The following RASA2 variants were observed in gnomAD, a reference collection of about 807,000 sequenced individuals.
RASA2 encodes ras GTPase-activating protein 2.
A neutral mutation model predicts 118.2 loss-of-function variants in RASA2; 155 were observed. The observed-to-expected ratio is 1.31, with a 90% CI of 1.15 to 1.50. RASA2 has a LOEUF of 1.50. RASA2 is among the 40% of genes most tolerant of loss of function. The pLI is 0.00. For missense variants in RASA2, 1,016 were observed against 1,009.6 expected (o/e 1.01, Z -0.09); for synonymous variants, 353 against 349.1 (o/e 1.01, Z -0.12).
chr3:141,555,778 G>A, intron 6 of RASA2, 62 bp from the exon 7 acceptor site: 1 of 1,392,158 alleles, frequency 7.2e-7, no homozygotes, highest in South Asian at 1.3e-5. Context: ...GTTGGAAATA[G>A]CATGTTTTAT....
chr3:141,540,661 T>G (rs1001824764), intron 5 of RASA2, 52 bp downstream of exon 5: 1 of 1,484,724 alleles, frequency 6.7e-7, no homozygotes, highest in Admixed American at 1.9e-5. Flanking sequence ...CCATTTTGTA[T>G]TCTTTCGATT....
chr3:141,568,441 T>G (rs1482903366), intron 9 of RASA2, among the ~76,000 whole-genome samples: 4 of 152,006 alleles, frequency 2.6e-5, no homozygotes, highest in Non-Finnish European at 4.4e-5. Context: ...AACAGGTTCC[T>G]AAGAGAAGCG....
At chr3:141,536,216 G>A (rs1447410584) in intron 4 of RASA2, among the ~76,000 whole-genome samples, 2 of 152,168 alleles carry the variant, frequency 1.3e-5, no homozygotes, top group Admixed American at 1.3e-4. Flanking sequence ...CATGGCAGGA[G>A]GTGAAAGGCA....
At chr3:141,556,522 A>G (rs190115293) in intron 7 of RASA2, among the ~76,000 whole-genome samples, 6 of 152,216 alleles carry the variant, frequency 3.9e-5, no homozygotes, top group Admixed American at 1.3e-4. Context: ...TTATCTTCAT[A>G]GACAGCTTCA....
intron 2 of RASA2, 47 bp from the exon 3 acceptor site, chr3:141,516,281 A>G (rs1362827771): frequency 5.0e-6 from 6 of 1,199,300 alleles, no homozygotes; most frequent in Non-Finnish European, 6.4e-6. Context: ...ATTAATTATT[A>G]TTTATTTTAT....
Position 141,612,490 on chromosome 3 carries a change from A to C in RASA2, c.*177A>C. ...TAATTGTTTGGGAATCCTGGTATTG[A>C]TGTATTACTAGAGAATTTAAAGCCC... On this transcript the variant is annotated 3_prime_UTR_variant, in exon 24 of 24. Coordinates refer to ENST00000286364, the MANE Select transcript of RASA2 (RefSeq NM_006506.5). 1.9e-6 allele frequency: 1 copy of C among 532,058 alleles called. No individual in the cohort carries two copies. The highest frequency in any genetic ancestry group is 3.3e-6 in the Non-Finnish European group (1 of 306,024). 33.0% of individuals were successfully genotyped at this position (532,058 alleles called of 1,614,324 possible).
intron 1 of RASA2, 98 bp downstream of exon 1, chr3:141,487,314 G>C (rs1268122929): frequency 4.2e-6 from 5 of 1,182,638 alleles, no homozygotes; most frequent in Non-Finnish European, 5.3e-6. Context: ...AGCTGCGCTG[G>C]GATCGCGGGC....
At chr3:141,510,235 A>G (rs2081930831) in intron 1 of RASA2, among the ~76,000 whole-genome samples, 1 of 152,172 alleles carries the variant, frequency 6.6e-6, no homozygotes. Context: ...GTAGCAGAGT[A>G]AGAGAGGAAT....
At chr3:141,607,832 A>T in intron 20 of RASA2, 72 bp downstream of exon 20, 4 of 1,410,026 alleles carry the variant, frequency 2.8e-6, no homozygotes, top group Non-Finnish European at 3.7e-6. Flanking sequence ...ATTTCGAGGT[A>T]TTTGTTAATA....
chr3:141,561,030 T>C (rs886161302), intron 9 of RASA2, among the ~76,000 whole-genome samples: 1 of 152,162 alleles, frequency 6.6e-6, no homozygotes, highest in Admixed American at 6.5e-5. Flanking sequence ...CTAAGATTTA[T>C]TGGTCTTTAT....
At chr3:141,571,107 C>A in intron 10 of RASA2, 39 bp downstream of exon 10, 1 of 1,534,992 alleles carries the variant, frequency 6.5e-7, no homozygotes, top group Non-Finnish European at 8.8e-7. Flanking sequence ...TAACACGAAA[C>A]GGCTAAAATA....
rs373838504 is a variant in RASA2, at chr3:141,516,390, A to G, written c.314A>G (p.Tyr105Cys). 9 of 1,561,952 alleles carry G rather than the reference A, an allele frequency of 5.8e-6. No homozygotes were observed. Among genetic ancestry groups the G allele is most frequent in the African/African-American group, 2.7e-5 (2 of 73,000 alleles). ...AGAACTTTCCAGTATTTGTCTTTCT[A>G]TGTTTATGATAAGAATGTTTTACAA... ...IPRTFQYLSF[Y>C]VYDKNVLQRD... The change falls in exon 3 of 24, where the codon TAT becomes TGT. Residue 105 changes from tyrosine to cysteine, a missense_variant. This residue lies in a region of RASA2 where 896 missense variants were observed against 836.4 expected (regional missense o/e 1.07). Transcript: ENST00000286364.
chr3:141,564,412 G>A (rs1371810663), intron 9 of RASA2, among the ~76,000 whole-genome samples: 2 of 152,162 alleles, frequency 1.3e-5, no homozygotes, highest in Admixed American at 6.5e-5. Context: ...AGTAATACAA[G>A]TAATGTTAAT....
At chr3:141,607,343 G>A (rs2083563710) in intron 19 of RASA2, among the ~76,000 whole-genome samples, 1 of 152,100 alleles carries the variant, frequency 6.6e-6, no homozygotes, top group East Asian at 1.9e-4. Flanking sequence ...GTTTTGAGTT[G>A]GCCTCTTTTG....
chr3:141,546,735 G>T (rs1428829562), intron 5 of RASA2, among the ~76,000 whole-genome samples: 5 of 152,068 alleles, frequency 3.3e-5, no homozygotes, highest in Non-Finnish European at 5.9e-5. Context: ...GCCTGTGCTT[G>T]TGTGCTTGTG....
chr3:141,540,967 A>G (rs912985531), intron 5 of RASA2, among the ~76,000 whole-genome samples: 6 of 152,126 alleles, frequency 3.9e-5, no homozygotes, highest in Non-Finnish European at 8.8e-5. Context: ...TGGAGCTAGA[A>G]CTAATGCCCA....
At chr3:141,573,310 A>G in intron 13 of RASA2, 89 bp downstream of exon 13, 1 of 1,334,790 alleles carries the variant, frequency 7.5e-7, no homozygotes, top group Non-Finnish European at 9.9e-7. Context: ...AAAGCCATAT[A>G]GAGGGAAGCA....
intron 1 of RASA2, among the ~76,000 whole-genome samples, chr3:141,499,314 T>C (rs983717805): frequency 1.3e-5 from 2 of 152,234 alleles, no homozygotes; most frequent in Non-Finnish European, 2.9e-5. Context: ...ATTGTACTTA[T>C]ATATAGTTCA....
At chr3:141,523,847 G>C (rs1217297294) in intron 3 of RASA2, among the ~76,000 whole-genome samples, 1 of 152,170 alleles carries the variant, frequency 6.6e-6, no homozygotes, top group Non-Finnish European at 1.5e-5. Context: ...ATCTATCTAT[G>C]TGATCTTCAT....
Sources: gnomAD v4.1 joint callset for allele counts (sites outside exome capture counted in the v4.1 genomes callset) on GRCh38, gnomAD v4.1.1 for gene constraint, gnomAD v4.1.1 regional missense constraint, MANE v1.5 for transcripts, NCBI Gene and HGNC (gene_info 2026-07-23, HGNC 2026-07-21) for gene names.